The following TES variants were observed in gnomAD, a reference collection of about 807,000 sequenced individuals.
The protein encoded by TES is testin.
A neutral mutation model predicts 48.2 loss-of-function variants in TES; 41 were observed. That is an observed-to-expected ratio of 0.85 (90% CI 0.66 to 1.10). TES has a LOEUF of 1.10. Ranked by LOEUF, TES falls within the 50% of genes least tolerant of loss-of-function variation. The pLI is 0.00. For synonymous variants in TES, 162 were observed against 174.9 expected, an observed-to-expected ratio of 0.93 and a Z score of 0.58; for missense variants, 463 against 515.1, an observed-to-expected ratio of 0.90 and a Z score of 0.98.
Position 116,252,306 on chromosome 7 carries a change from T to C in TES, c.919-12T>C. 6.3e-7 allele frequency: 1 copy of C among 1,592,948 alleles called. No homozygotes were observed. The highest frequency in any genetic ancestry group is 1.3e-5 in the African/African-American group (1 of 74,412). ...ATATAAAAATCCATCTTTATTTTTATCTTCTTCCTAGCTGATATTCAGCAA... is the reference window on the plus strand; with the variant it reads ...ATATAAAAATCCATCTTTATTTTTACCTTCTTCCTAGCTGATATTCAGCAA... On this transcript the variant is annotated splice_polypyrimidine_tract_variant and intron_variant, in intron 5 of 6. Transcript: ENST00000358204.
intron 2 of TES, among the ~76,000 whole-genome samples, chr7:116,235,779 A>T (rs1430602006): frequency 1.3e-5 from 2 of 152,230 alleles, no homozygotes; most frequent in Non-Finnish European, 2.9e-5. Context: ...TTTCCACAGG[A>T]AACCGTTTAG....
intron 2 of TES, among the ~76,000 whole-genome samples, chr7:116,239,956 T>C (rs1166478982): frequency 6.6e-6 from 1 of 152,260 alleles, no homozygotes; most frequent in Non-Finnish European, 1.5e-5. Flanking sequence ...AACAGAATTA[T>C]TGTTTTGCTT....
At position 116,210,586 on chromosome 7, in the gene TES, C is replaced by T. The variant is rs1584605407; in HGVS notation, c.-122C>T. ...AAGTTCGACGGCGCCGGGCGAGTGG[C>T]TGTTGAGCGGCGCCGCGGGAGTTCC... On this transcript the variant is annotated 5_prime_UTR_variant, in exon 1 of 7. Coordinates refer to ENST00000358204, the MANE Select transcript of TES (RefSeq NM_015641.4). 2.7e-6 allele frequency: 3 copies of T among 1,095,418 alleles called. No homozygotes were observed. The highest frequency in any genetic ancestry group is 3.3e-5 in the African/African-American group (2 of 60,688). 67.9% of individuals were successfully genotyped at this position (1,095,418 alleles called of 1,614,324 possible).
At chr7:116,241,549 C>T (rs1799848913) in intron 2 of TES, among the ~76,000 whole-genome samples, 1 of 152,298 alleles carries the variant, frequency 6.6e-6, no homozygotes, top group African/African-American at 2.4e-5. Context: ...TTACCAAGGA[C>T]TCTGTCACCA....
At chr7:116,229,033 T>TATATATATATATATATATATATATATAA (rs1417517023) in intron 1 of TES, among the ~76,000 whole-genome samples, 62 of 115,302 alleles carry the variant, frequency 5.4e-4, no homozygotes, top group South Asian at 8.2e-4. Flanking sequence ...TATATATATA[T>TATATATATATATATATATATATATATAA]AATCATTTCC....
intron 2 of TES, among the ~76,000 whole-genome samples, chr7:116,244,918 T>C (rs1196493449): frequency 1.3e-5 from 2 of 152,162 alleles, no homozygotes; most frequent in Non-Finnish European, 2.9e-5. Flanking sequence ...TCTGAAGCAA[T>C]GGGCCAAGCT....
intron 1 of TES, among the ~76,000 whole-genome samples, chr7:116,231,058 CAA>C (rs1423183948): frequency 1.3e-5 from 2 of 152,182 alleles, no homozygotes; most frequent in African/African-American, 4.8e-5. Context: ...CTTTGGAAGA[CAA>C]GAGCTCCCAT....
chr7:116,249,320 T>C (rs1799971219), intron 3 of TES, 48 bp downstream of exon 3: 2 of 1,608,916 alleles, frequency 1.2e-6, no homozygotes, highest in African/African-American at 1.3e-5. Context: ...TCCTGGAGTA[T>C]TTATTTGGGG....
At chr7:116,226,934 A>G (rs754238425) in intron 1 of TES, among the ~76,000 whole-genome samples, 1 of 152,170 alleles carries the variant, frequency 6.6e-6, no homozygotes, top group Admixed American at 6.5e-5. Flanking sequence ...ATTAGCAAAG[A>G]AAGAGAAATG....
Position 116,257,391 on chromosome 7 carries a change from C to G in TES, c.1175C>G (p.Ser392Cys). The G allele has an allele frequency of 6.2e-7, 1 of 1,614,054 alleles. No homozygotes were observed. The highest frequency in any genetic ancestry group is 1.6e-4 in the Middle Eastern group (1 of 6,062). The change falls in exon 7 of 7, where the codon TCT becomes TGT. Residue 392 changes from serine (S) to cysteine (C), a missense_variant. Physicochemically the swap from Ser to Cys is moderately radical, Grantham distance 112 (BLOSUM62 -1). Coordinates refer to ENST00000358204, the MANE Select transcript of TES (RefSeq NM_015641.4). Reference sequence around the variant, plus strand: ...GCATCCACAGAGTGCTTTCTGTGCTCTTGCTGCAGCAAATGCCTCATTGGG... The same window carrying G: ...GCATCCACAGAGTGCTTTCTGTGCTGTTGCTGCAGCAAATGCCTCATTGGG... ...WHASTECFLC[S>C]CCSKCLIGQK... is the part of the protein sequence containing the mutation.
At chr7:116,237,180 T>A (rs1035391681) in intron 2 of TES, among the ~76,000 whole-genome samples, 6 of 152,114 alleles carry the variant, frequency 3.9e-5, no homozygotes, top group African/African-American at 1.4e-4. Context: ...AGACATGGGA[T>A]CCCATGACCC....
At chr7:116,252,054 CT>C in intron 5 of TES, 79 bp downstream of exon 5, 1 of 1,403,360 alleles carries the variant, frequency 7.1e-7, no homozygotes, top group South Asian at 1.2e-5. Flanking sequence ...GGCAACAAGA[CT>C]TGACCAAACA....
At position 116,257,301 on chromosome 7, in the gene TES, A is replaced by G. The variant is rs1367662327; in HGVS notation, c.1085A>G (p.Gln362Arg). The part of the protein sequence containing the change: ...CYVKNHAVVC[Q>R]GCHNAIDPEV... ...TGTATTATTTCTTAATAGGTGTGTC[A>G]AGGATGCCACAATGCCATCGACCCA... The change falls in exon 7 of 7, where the codon CAA (glutamine) becomes CGA (arginine). Residue 362 changes from glutamine (Q) to arginine (R), a missense_variant. Gln to Arg is a conservative substitution (Grantham distance 43). Coordinates refer to ENST00000358204, the MANE Select transcript of TES (RefSeq NM_015641.4). 1 of 1,609,386 alleles carries G rather than the reference A, an allele frequency of 6.2e-7. No individual in the cohort carries two copies. The highest frequency in any genetic ancestry group is 8.5e-7 in the Non-Finnish European group (1 of 1,178,036).
chr7:116,252,278 A>G lies in TES; in HGVS notation c.919-40A>G, dbSNP rs747015481. Reference sequence around the variant, plus strand: ...ATGTTGTTACAGATATAAATCTCTTATTATATAAAAATCCATCTTTATTTT... The same window carrying G: ...ATGTTGTTACAGATATAAATCTCTTGTTATATAAAAATCCATCTTTATTTT... On this transcript the variant is annotated intron_variant, in intron 5 of 6. Transcript: ENST00000358204. The G allele has an allele frequency of 1.2e-5, 19 of 1,563,366 alleles. No individual in the cohort carries two copies. In the South Asian group the frequency reaches 2.0e-4, roughly 17 times the overall value.
intron 2 of TES, among the ~76,000 whole-genome samples, chr7:116,235,465 TGTA>T (rs1799757544): frequency 6.6e-6 from 1 of 152,184 alleles, no homozygotes; most frequent in African/African-American, 2.4e-5. Context: ...AAAAATTAAT[TGTA>T]GTGTCTTGGT....
At position 116,243,119 on chromosome 7, in the gene TES, C is replaced by A. The variant is rs1035978710; in HGVS notation, c.114-5901C>A. On this transcript the variant is annotated intron_variant, in intron 2 of 6. Transcript: ENST00000358204. ...CTTTTTCCTAACTTCCTGAGTTGAACACTTAGTACTTTATTTTTTCCTTTT... is the reference window on the plus strand; with the variant it reads ...CTTTTTCCTAACTTCCTGAGTTGAAAACTTAGTACTTTATTTTTTCCTTTT... 2.6e-5 allele frequency among the ~76,000 whole-genome samples: 4 copies of A among 152,056 alleles called. No individual in the cohort carries two copies. The South Asian group carries it at 8.3e-4, about 32-fold the overall frequency.
chr7:116,256,299 C>A (rs1800097512), intron 6 of TES, among the ~76,000 whole-genome samples: 1 of 144,490 alleles, frequency 6.9e-6, no homozygotes, highest in Non-Finnish European at 1.5e-5. Context: ...CCTCCACTCA[C>A]CTGTTCCCAC....
chr7:116,214,771 A>G (rs949780528), intron 1 of TES, among the ~76,000 whole-genome samples: 3 of 152,098 alleles, frequency 2.0e-5, no homozygotes, highest in Admixed American at 2.0e-4. Flanking sequence ...AACTCACCCT[A>G]TGACTTTGCT....
intron 2 of TES, among the ~76,000 whole-genome samples, chr7:116,242,537 C>G (rs1163719393): frequency 1.7e-5 from 1 of 57,406 alleles, no homozygotes; most frequent in Non-Finnish European, 3.5e-5. Flanking sequence ...CTCTCTCTCT[C>G]TGTCTCTGTC....
Sources: allele counts gnomAD v4.1 joint callset (sites outside exome capture counted in the v4.1 genomes callset), GRCh38; gene constraint gnomAD v4.1.1; transcripts MANE v1.5; gene names NCBI Gene and HGNC (gene_info 2026-07-23, HGNC 2026-07-21).